DDO: variants seen among roughly 807,000 people sequenced by gnomAD.
DDO encodes D-aspartate oxidase, DDO.
In DDO, 16 loss-of-function variants were observed where a neutral mutation model predicts 16.8. That is an observed-to-expected ratio of 0.95 (90% confidence interval 0.65 to 1.45). The LOEUF is 1.45. Ranked by LOEUF, DDO falls within the 40% of genes most tolerant of loss-of-function variation. The pLI is 0.00. For missense variants in DDO, 429 were observed against 420.3 expected (o/e 1.02, Z -0.18); for synonymous variants, 180 against 167.2 (o/e 1.08, Z -0.59).
chr6:110,397,408 T>A (rs1773326224), intron 4 of DDO, among the ~76,000 whole-genome samples: 1 of 152,240 alleles, frequency 6.6e-6, no homozygotes, highest in African/African-American at 2.4e-5. Context: ...TTTAAATTCT[T>A]ACATTGTAGA....
intron 4 of DDO, among the ~76,000 whole-genome samples, chr6:110,394,539 A>C (rs138093696): frequency 8.5e-5 from 13 of 152,364 alleles, no homozygotes; most frequent in African/African-American, 1.9e-4. Context: ...CAATAGACGC[A>C]GGCCGAATGC....
Position 110,393,096 on chromosome 6 carries a change from T to C in DDO, c.705A>G (p.Gly235=). Residue 235 remains glycine (G), a synonymous_variant, in exon 5 of 5, where the codon GGA becomes GGG. Transcript: ENST00000368924. ...GATTCCAGTCCCCTTTTTGCCTAGTTCCACCTAGGGTTACATGGGATGTAC... is the reference window on the plus strand; with the variant it reads ...GATTCCAGTCCCCTTTTTGCCTAGTCCCACCTAGGGTTACATGGGATGTAC... ...YPGTSHVTLG[G]TRQKGDWNLS... 1.2e-6 allele frequency: 2 copies of C among 1,613,774 alleles called. No homozygotes were observed. Among genetic ancestry groups the C allele is most frequent in the Non-Finnish European group, 1.7e-6 (2 of 1,179,650 alleles).
intron 3 of DDO, among the ~76,000 whole-genome samples, chr6:110,405,401 C>T (rs973473657): frequency 1.3e-5 from 2 of 152,158 alleles, no homozygotes; most frequent in African/African-American, 2.4e-5. Flanking sequence ...TTACTATTCT[C>T]TTAGGTTCAG....
chr6:110,392,311 A>G lies in DDO; in HGVS notation c.*464T>C. 4.1e-6 allele frequency: 4 copies of G among 985,960 alleles called. No individual in the cohort carries two copies. The highest frequency in any genetic ancestry group is 4.8e-6 in the Non-Finnish European group (4 of 830,310). The allele number at this position is 985,960 out of a possible 1,614,324, so 61.1% of individuals were successfully genotyped here. A position where few individuals can be genotyped will look rare whatever the true frequency, so the allele number is the denominator to read the frequency against. On this transcript the variant is annotated 3_prime_UTR_variant, in exon 5 of 5. Coordinates refer to ENST00000368924, the MANE Select transcript of DDO (RefSeq NM_001372108.2). ...ATACATTATCTCCTCCTGTGGATTT[A>G]TAAGCCAAATGATATCAAAATCTCT... is the stretch of plus-strand genomic sequence containing the variant.
chr6:110,409,116 G>A (rs1336684767), intron 2 of DDO, among the ~76,000 whole-genome samples: 1 of 152,210 alleles, frequency 6.6e-6, no homozygotes, highest in Non-Finnish European at 1.5e-5. Flanking sequence ...GGCGTGCAGG[G>A]ACCATACCAT....
In DDO at chr6:110,413,455, G is replaced by A. The variant is rs748249451; in HGVS notation, c.8C>T (p.Thr3Ile). The A allele has an allele frequency of 6.2e-6, 10 of 1,613,240 alleles. No homozygotes were observed. In the East Asian group the frequency reaches 2.2e-4, roughly 36 times the overall value. The change falls in exon 2 of 5, where the codon ACA (threonine) becomes ATA (isoleucine). Residue 3 changes from threonine to isoleucine, a missense_variant. Physicochemically the swap from Thr to Ile is moderately conservative, Grantham distance 89 (BLOSUM62 -1). Transcript: ENST00000368924. MDTARIAVVGAGV... is the reference protein window; with the variant it reads MDIARIAVVGAGV... ...TGCCCCGACAACTGCAATCCGTGCT[G>A]TGTCCATGAGCCTGTGAGGAGGGAA...
chr6:110,389,135 C>G (rs533638929), downstream of DDO, among the ~76,000 whole-genome samples: 1 of 152,290 alleles, frequency 6.6e-6, no homozygotes, highest in South Asian at 2.1e-4. Flanking sequence ...CTGTTGAAGG[C>G]CTGAATAGAA....
downstream of DDO, among the ~76,000 whole-genome samples, chr6:110,388,479 T>C (rs1305908351): frequency 6.6e-6 from 1 of 152,198 alleles, no homozygotes; most frequent in East Asian, 1.9e-4. Flanking sequence ...GGTTCAAATA[T>C]CAGTTGATTT....
At chr6:110,401,446 C>A (rs1246636571) in intron 4 of DDO, among the ~76,000 whole-genome samples, 3 of 135,088 alleles carry the variant, frequency 2.2e-5, no homozygotes, top group East Asian at 2.3e-4. Flanking sequence ...TGTTGTGCCC[C>A]AAAGTAAAAA....
chr6:110,401,587 T>A (rs1773488173), intron 4 of DDO, among the ~76,000 whole-genome samples: 1 of 151,998 alleles, frequency 6.6e-6, no homozygotes, highest in Non-Finnish European at 1.5e-5. Context: ...TAAATTATAA[T>A]CCATTGAATA....
intron 4 of DDO, among the ~76,000 whole-genome samples, chr6:110,398,760 C>T (rs1279451778): frequency 6.6e-6 from 1 of 152,102 alleles, no homozygotes; most frequent in Non-Finnish European, 1.5e-5. Context: ...TTAGAGGACT[C>T]CCCCAGAGAA....
At chr6:110,413,925 C>A (rs572809552) in intron 1 of DDO, among the ~76,000 whole-genome samples, 1 of 152,136 alleles carries the variant, frequency 6.6e-6, no homozygotes, top group Non-Finnish European at 1.5e-5. Context: ...AGGTGCCCAC[C>A]ACCACGCCAG....
chr6:110,397,201 C>T (rs950147679), intron 4 of DDO, among the ~76,000 whole-genome samples: 2 of 152,134 alleles, frequency 1.3e-5, no homozygotes, highest in Non-Finnish European at 2.9e-5. Flanking sequence ...TATAGCTGCT[C>T]AATAAAGACC....
chr6:110,405,671 C>A lies in DDO; in HGVS notation c.282-721G>T, dbSNP rs148425328. Among the ~76,000 whole-genome samples the A allele has an allele frequency of 4.6e-5, 7 of 152,098 alleles. No homozygotes were observed. In the East Asian group the frequency reaches 1.4e-3, roughly 29 times the overall value. ...TGGTGGCTCACACCTATCTATGATC[C>A]CAGCACTTTAGGAGGCCGAGGGGAA... On this transcript the variant is annotated intron_variant, in intron 3 of 4. Coordinates refer to ENST00000368924, the MANE Select transcript of DDO (RefSeq NM_001372108.2).
intron 2 of DDO, among the ~76,000 whole-genome samples, chr6:110,409,108 C>G (rs112079717): frequency 6.6e-6 from 1 of 152,188 alleles, no homozygotes; most frequent in East Asian, 1.9e-4. Context: ...CCAGCAGGGG[C>G]GTGCAGGGAC....
At chr6:110,408,770 G>A (rs2073210) in intron 2 of DDO, among the ~76,000 whole-genome samples, 1 of 152,072 alleles carries the variant, frequency 6.6e-6, no homozygotes, top group African/African-American at 2.4e-5. Flanking sequence ...TCCTTGGCAG[G>A]TCTATAACCA....
intron 4 of DDO, among the ~76,000 whole-genome samples, chr6:110,395,694 G>T (rs1411386612): frequency 6.6e-6 from 1 of 152,116 alleles, no homozygotes; most frequent in Non-Finnish European, 1.5e-5. Context: ...TAATAAAAAA[G>T]ACAGAAACTT....
Position 110,393,226 on chromosome 6 carries a change from C to G in DDO, c.575G>C (p.Gly192Ala), listed in dbSNP as rs1394870596. The G allele has an allele frequency of 6.2e-7, 1 of 1,614,120 alleles. No individual in the cohort carries two copies. The highest frequency in any genetic ancestry group is 1.1e-5 in the South Asian group (1 of 91,092). Residue 192 changes from glycine to alanine, a missense_variant, in exon 5 of 5, where the codon GGA (glycine) becomes GCA (alanine). Physicochemically the swap from Gly to Ala is moderately conservative, Grantham distance 60. Transcript: ENST00000368924. Reference protein sequence around the residue: ...CSGLGSRQLAGDSKIFPVRGQ... With the variant: ...CSGLGSRQLAADSKIFPVRGQ... ...CCTTACAGGGAAAATCTTTGAGTCT[C>G]CTGCAAGCTGTCTGCTTCCAAGGCC...
chr6:110,407,064 T>C (rs1773680822), intron 3 of DDO, among the ~76,000 whole-genome samples: 1 of 152,186 alleles, frequency 6.6e-6, no homozygotes, highest in South Asian at 2.1e-4. Flanking sequence ...ATATCCCTAA[T>C]ACCTAAGAAA....
Sources: allele counts gnomAD v4.1 joint callset (sites outside exome capture counted in the v4.1 genomes callset), GRCh38; gene constraint gnomAD v4.1.1; transcripts MANE v1.5; gene names NCBI Gene and HGNC (gene_info 2026-07-23, HGNC 2026-07-21).